The following SH3PXD2A variants were observed in gnomAD, a reference collection of about 807,000 sequenced individuals.
SH3PXD2A encodes the protein SH3 and PX domains 2A.
SH3PXD2A carries 32 observed loss-of-function variants against 115.2 expected under a neutral mutation model. The ratio of observed to expected loss-of-function variants is 0.28; its 90% CI spans 0.21 to 0.37. SH3PXD2A has a LOEUF of 0.37. SH3PXD2A is among the 10% of genes least tolerant of loss of function. The probability of loss-of-function intolerance (pLI) is 1.00; values close to 1 mark genes in which losing one functional copy is unlikely to be tolerated. For synonymous variants in SH3PXD2A, 610 were observed against 629.1 expected (o/e 0.97, Z 0.45); for missense variants, 1,328 against 1,498.7 (o/e 0.89, Z 1.88).
intron 6 of SH3PXD2A, among the ~76,000 whole-genome samples, chr10:103,688,501 G>A (rs1417905762): frequency 2.0e-5 from 3 of 152,244 alleles, no homozygotes; most frequent in African/African-American, 7.2e-5. Context: ...GCTGGACAGT[G>A]CAGGATCAGG....
At chr10:103,791,589 G>T (rs193224964) in intron 2 of SH3PXD2A, among the ~76,000 whole-genome samples, 4 of 152,160 alleles carry the variant, frequency 2.6e-5, no homozygotes, top group Admixed American at 2.0e-4. Flanking sequence ...TCAGCCCTCT[G>T]GGTCTTATTT....
rs199610107 is a variant in SH3PXD2A, at chr10:103,603,197, T to G, written c.2021A>C (p.Glu674Ala). 2.5e-6 allele frequency: 4 copies of G among 1,614,168 alleles called. No homozygotes were observed. In the East Asian group the frequency reaches 6.7e-5, roughly 27 times the overall value. ...KSSSLLKLKA[E>A]KNAQAEMGKN... is the part of the protein sequence containing the mutation. ...CCCCATTTCTGCCTGGGCATTCTTC[T>G]CTGCCTTGAGCTTTAGGAGTGATGA... The change falls in exon 15 of 15, where the codon GAG (glutamate) becomes GCG (alanine). Residue 674 changes from glutamate to alanine, a missense_variant. Physicochemically the swap from Glu to Ala is moderately radical, Grantham distance 107. Transcript: ENST00000369774.
intron 8 of SH3PXD2A, among the ~76,000 whole-genome samples, chr10:103,648,380 A>G (rs2037067608): frequency 6.6e-6 from 1 of 152,108 alleles, no homozygotes; most frequent in African/African-American, 2.4e-5. Context: ...GCCAAGGAAA[A>G]CTGCATTCTT....
intron 3 of SH3PXD2A, among the ~76,000 whole-genome samples, chr10:103,741,752 C>A (rs1454467870): frequency 1.3e-5 from 2 of 152,212 alleles, no homozygotes; most frequent in African/African-American, 4.8e-5. Context: ...GGACAGCCCT[C>A]CTGCCCTTCT....
chr10:103,677,597 G>A (rs2037554994), intron 6 of SH3PXD2A, among the ~76,000 whole-genome samples: 1 of 152,134 alleles, frequency 6.6e-6, no homozygotes, highest in Admixed American at 6.5e-5. Context: ...ATCATGCCCT[G>A]GGCAGGATCT....
intron 1 of SH3PXD2A, among the ~76,000 whole-genome samples, chr10:103,841,845 C>T (rs1589480342): frequency 6.6e-6 from 1 of 152,312 alleles, no homozygotes. Context: ...CACAGCAAGG[C>T]CGGGTGCAGT....
In SH3PXD2A at chr10:103,844,237, G is replaced by T. The variant is rs187895917; in HGVS notation, c.72+10958C>A. On this transcript the variant is annotated intron_variant, in intron 1 of 14. Transcript: ENST00000369774. Reference sequence around the variant, plus strand: ...TCAAGAAGTGATTCTATCCCTTCTGGGTGCCAGGCACTGCGCTGAGGGCTC... The same window carrying T: ...TCAAGAAGTGATTCTATCCCTTCTGTGTGCCAGGCACTGCGCTGAGGGCTC... 2.5e-3 allele frequency among the ~76,000 whole-genome samples: 380 copies of T among 152,246 alleles called. 4 individuals carry two copies. Among genetic ancestry groups the T allele is most frequent in the Non-Finnish European group, 7.1e-4 (48 of 68,020 alleles).
At chr10:103,797,776 C>T (rs1387367757) in intron 2 of SH3PXD2A, among the ~76,000 whole-genome samples, 1 of 151,972 alleles carries the variant, frequency 6.6e-6, no homozygotes, top group Middle Eastern at 3.2e-3. Flanking sequence ...GTGGAAGCTA[C>T]TGTGGAGAGA....
Position 103,620,143 on chromosome 10 carries a change from G to A in SH3PXD2A, c.802+2327C>T, listed in dbSNP as rs2036581947. Reference sequence around the variant, plus strand: ...TCAGCGGGCAGCTGCATGATTCAGGGTGGTCAGGGTCTTGGGAAGAGATGT... The same window carrying A: ...TCAGCGGGCAGCTGCATGATTCAGGATGGTCAGGGTCTTGGGAAGAGATGT... On this transcript the variant is annotated intron_variant, in intron 10 of 14. Coordinates refer to ENST00000369774, the MANE Select transcript of SH3PXD2A (RefSeq NM_001394015.1). This position sits in a 1 kb window ranked among gnomAD's most constrained non-coding sequence, Gnocchi z 5.3. 6.6e-6 allele frequency among the ~76,000 whole-genome samples: 1 copy of A among 152,224 alleles called. No homozygotes were observed. Among genetic ancestry groups the A allele is most frequent in the Non-Finnish European group, 1.5e-5 (1 of 68,044 alleles).
chr10:103,681,538 C>T (rs1432286641), intron 6 of SH3PXD2A, among the ~76,000 whole-genome samples: 1 of 152,210 alleles, frequency 6.6e-6, no homozygotes, highest in African/African-American at 2.4e-5. Flanking sequence ...GGGGCCAAGG[C>T]AGGAGGATCT....
rs1462013138 is a variant in SH3PXD2A at position 103,653,055 on chromosome 10, C to A, written c.604+7928G>T. On this transcript the variant is annotated intron_variant, in intron 8 of 14. Transcript: ENST00000369774. ...CTCAGTGGTGTCTTTCCTGACCACA[C>A]CCCTGCCCCCTCCCTGCTGCTGACG... 3.9e-5 allele frequency among the ~76,000 whole-genome samples: 6 copies of A among 152,200 alleles called. No homozygotes were observed. The East Asian group carries it at 1.2e-3, about 29-fold the overall frequency.
intron 11 of SH3PXD2A, among the ~76,000 whole-genome samples, chr10:103,614,498 A>G (rs946681796): frequency 2.6e-5 from 4 of 152,188 alleles, no homozygotes; most frequent in African/African-American, 9.7e-5. Flanking sequence ...AGGAAACAAA[A>G]CCAAAAGCTC....
At chr10:103,724,146 T>C in intron 5 of SH3PXD2A, 124 bp downstream of exon 5, 2 of 472,270 alleles carry the variant, frequency 4.2e-6, no homozygotes, top group Non-Finnish European at 7.4e-6. Flanking sequence ...CACTGTTCTT[T>C]AGCCCGGCTG....
chr10:103,830,203 G>T (rs936142086), intron 1 of SH3PXD2A, among the ~76,000 whole-genome samples: 15 of 152,242 alleles, frequency 9.9e-5, no homozygotes, highest in Admixed American at 5.2e-4. Flanking sequence ...ATGGAGGAAG[G>T]TTTCGGGTTT....
chr10:103,681,222 AGG>A (rs1426223627), intron 6 of SH3PXD2A, among the ~76,000 whole-genome samples: 1 of 50,518 alleles, frequency 2.0e-5, no homozygotes, highest in Admixed American at 2.1e-4. Context: ...GCTGTGTTTC[AGG>A]GGTAAGAGAC....
At chr10:103,713,398 G>A (rs941772115) in intron 5 of SH3PXD2A, among the ~76,000 whole-genome samples, 1 of 152,212 alleles carries the variant, frequency 6.6e-6, no homozygotes, top group African/African-American at 2.4e-5. Context: ...AGACCCCTAG[G>A]TTCTGCCCAT....
intron 6 of SH3PXD2A, among the ~76,000 whole-genome samples, chr10:103,684,334 G>C (rs903769912): frequency 1.3e-5 from 2 of 151,384 alleles, no homozygotes; most frequent in Non-Finnish European, 2.9e-5. Flanking sequence ...AAAAGGAGGA[G>C]AATAGAGGAA....
chr10:103,799,512 C>CGTAT, intron 2 of SH3PXD2A, among the ~76,000 whole-genome samples: 1 of 152,250 alleles, frequency 6.6e-6, no homozygotes, highest in Non-Finnish European at 1.5e-5. Flanking sequence ...TCCCTGCTTG[C>CGTAT]GTATCCCCTT....
At chr10:103,820,999 C>T (rs2039373735) in intron 1 of SH3PXD2A, among the ~76,000 whole-genome samples, 1 of 152,180 alleles carries the variant, frequency 6.6e-6, no homozygotes, top group African/African-American at 2.4e-5. Context: ...GTTTCTCTGA[C>T]CCTGCATTTC....
Sources: allele counts gnomAD v4.1 joint callset (sites outside exome capture counted in the v4.1 genomes callset), GRCh38; gene constraint gnomAD v4.1.1; non-coding constraint Gnocchi (gnomAD v3.1); transcripts MANE v1.5; gene names NCBI Gene and HGNC (gene_info 2026-07-23, HGNC 2026-07-21).